The following GREB1 variants were observed in gnomAD, a reference collection of about 807,000 sequenced individuals.
The protein encoded by GREB1 is protein GREB1.
GREB1 carries 106 observed loss-of-function variants against 200.7 expected under a neutral mutation model. That is an observed-to-expected ratio of 0.53 (90% confidence interval 0.45 to 0.62). The LOEUF is 0.62. Ranked by LOEUF, GREB1 falls within the 20% of genes least tolerant of loss-of-function variation. The pLI, the probability that GREB1 is intolerant of heterozygous loss-of-function variation, is 0.00. For missense variants in GREB1, 2,243 were observed against 2,556.8 expected (o/e 0.88, Z 2.65); for synonymous variants, 1,132 against 1,092.4 (o/e 1.04, Z -0.72).
intron 1 of GREB1, among the ~76,000 whole-genome samples, chr2:11,521,406 G>A (rs992309656): frequency 7.2e-5 from 11 of 152,082 alleles, no homozygotes; most frequent in African/African-American, 2.7e-4. Flanking sequence ...CATTGTGCCC[G>A]GCCTAGTCTC....
At chr2:11,625,111 C>T in intron 23 of GREB1, 43 bp from the exon 24 acceptor site, 3 of 1,498,646 alleles carry the variant, frequency 2.0e-6, no homozygotes, top group South Asian at 1.1e-5. Context: ...AAATCATTTT[C>T]ACTTCCTATT....
intron 1 of GREB1, among the ~76,000 whole-genome samples, chr2:11,553,683 G>A (rs1391920805): frequency 1.3e-5 from 2 of 152,082 alleles, no homozygotes; most frequent in East Asian, 3.9e-4. Context: ...TGTGTGTGAA[G>A]TAGGGAGTGT....
At position 11,620,918 on chromosome 2, in the gene GREB1, G is replaced by T. The variant is rs757193601; in HGVS notation, c.4058G>T (p.Gly1353Val). 40 of 1,608,706 alleles carry T rather than the reference G, an allele frequency of 2.5e-5. No individual in the cohort carries two copies. The highest frequency in any genetic ancestry group is 3.1e-5 in the Non-Finnish European group (36 of 1,175,150). ...ATACCTTTACAGATCGGGAAGACAG[G>T]TGCCTACCTGCAGTTCCTCAGTGTC... ...LSGPPQIGKTGAYLQFLSVLS... is the reference protein window; with the variant it reads ...LSGPPQIGKTVAYLQFLSVLS... Residue 1353 changes from glycine to valine, a missense_variant, in exon 23 of 33, where the codon GGT (glycine) becomes GTT (valine). This residue lies in a region of GREB1 where 587 missense variants were observed against 553.1 expected (regional missense o/e 1.06). Transcript: ENST00000381486.
intron 18 of GREB1, 130 bp downstream of exon 18, chr2:11,611,157 C>T (rs1295745357): frequency 1.4e-6 from 1 of 709,432 alleles, no homozygotes; most frequent in Non-Finnish European, 2.4e-6. Context: ...CCAGCCACCC[C>T]TCAGCCTCCT....
intron 6 of GREB1, among the ~76,000 whole-genome samples, chr2:11,579,375 C>T (rs559945301): frequency 1.3e-5 from 2 of 152,368 alleles, no homozygotes; most frequent in East Asian, 3.9e-4. Context: ...AACCTCTGAA[C>T]CTCCATTTCC....
chr2:11,542,916 A>T (rs1224895777), intron 1 of GREB1: 1 of 152,398 alleles, frequency 6.6e-6, no homozygotes, highest in Non-Finnish European at 1.5e-5. Context: ...AAAGCCGCAG[A>T]TGTGTTTATT....
chr2:11,526,667 T>C (rs1470587279), intron 1 of GREB1, among the ~76,000 whole-genome samples: 1 of 151,966 alleles, frequency 6.6e-6, no homozygotes, highest in Non-Finnish European at 1.5e-5. Flanking sequence ...GTGATTCTCC[T>C]GCCTCAGCCT....
intron 12 of GREB1, among the ~76,000 whole-genome samples, chr2:11,595,832 C>T (rs1470873148): frequency 6.6e-6 from 1 of 152,124 alleles, no homozygotes; most frequent in Non-Finnish European, 1.5e-5. Flanking sequence ...CTTCTCAGAC[C>T]CTTCGTTTTC....
At chr2:11,610,010 C>G (rs750466606) in intron 17 of GREB1, among the ~76,000 whole-genome samples, 11 of 152,078 alleles carry the variant, frequency 7.2e-5, no homozygotes, top group Non-Finnish European at 1.3e-4. Context: ...CCATTGGTGC[C>G]CTGGGGTCTG....
chr2:11,482,924 A>G (rs1459552723), intron 1 of GREB1, among the ~76,000 whole-genome samples: 2 of 151,122 alleles, frequency 1.3e-5, no homozygotes, highest in Non-Finnish European at 3.0e-5. Flanking sequence ...GCGGGCGCTC[A>G]GGAGCGGGGC....
chr2:11,576,416 A>T lies in GREB1; in HGVS notation c.518A>T (p.Asn173Ile). ...KGFCYFTEFS[N>I]HINLKLTTQP... is the part of the protein sequence containing the mutation. ...TTCTGTTACTTCACGGAATTCTCCA[A>T]TCATATAAATCTGAAACTGACCACT... The change falls in exon 5 of 33, where the codon AAT becomes ATT. Residue 173 changes from asparagine (N) to isoleucine (I), a missense_variant. Asn to Ile is a moderately radical substitution (Grantham distance 149, BLOSUM62 -3). Transcript: ENST00000381486. The T allele has an allele frequency of 6.2e-7, 1 of 1,614,070 alleles. No homozygotes were observed. The highest frequency in any genetic ancestry group is 1.1e-5 in the South Asian group (1 of 91,078).
intron 1 of GREB1, among the ~76,000 whole-genome samples, chr2:11,545,766 G>A (rs1293619231): frequency 6.6e-6 from 1 of 152,200 alleles, no homozygotes; most frequent in Admixed American, 6.5e-5. Context: ...TTAGGACTGT[G>A]ATGAAGATGA....
At position 11,586,019 on chromosome 2, in the gene GREB1, C is replaced by G. The variant is rs1680047939; in HGVS notation, c.1159+114C>G. On this transcript the variant is annotated intron_variant, in intron 9 of 32. Coordinates refer to ENST00000381486, the MANE Select transcript of GREB1 (RefSeq NM_014668.4). ...TGACTCCAAGGGTATCCTCCTGAGA[C>G]AAACCTAAAATGCTTTCCAGGGCAA... 7 of 1,113,016 alleles carry G rather than the reference C, an allele frequency of 6.3e-6. No individual in the cohort carries two copies. The East Asian group carries it at 1.7e-4, about 27-fold the overall frequency. 68.9% of individuals were successfully genotyped at this position (1,113,016 alleles called of 1,614,324 possible).
intron 1 of GREB1, among the ~76,000 whole-genome samples, chr2:11,517,744 C>T (rs1359253433): frequency 2.6e-5 from 4 of 152,120 alleles, no homozygotes; most frequent in East Asian, 3.9e-4. Flanking sequence ...CTCCGCCTCC[C>T]GGGTTCATGC....
At chr2:11,581,937 G>A (rs1679527657) in intron 7 of GREB1, among the ~76,000 whole-genome samples, 2 of 152,216 alleles carry the variant, frequency 1.3e-5, no homozygotes, top group African/African-American at 2.4e-5. Flanking sequence ...CTCCCAACCA[G>A]CACCTCCATC....
chr2:11,490,762 T>C lies in GREB1; in HGVS notation c.-159+8381T>C, dbSNP rs1204976889. Among the ~76,000 whole-genome samples, 22 of 121,626 alleles carry C rather than the reference T, an allele frequency of 1.8e-4. 1 individual carries two copies. In the Admixed American group the frequency reaches 1.9e-3, roughly 10 times the overall value. 79.8% of individuals were successfully genotyped at this position (121,626 alleles called of 152,430 possible). A position where few individuals can be genotyped will look rare whatever the true frequency, so the allele number is the denominator to read the frequency against. The stretch of plus-strand genomic sequence containing the variant: ...CAGGGTTTTGCCATGTTGGCCAGGC[T>C]GGTCTTGAACTCCTGACCTCAGGTG... On this transcript the variant is annotated intron_variant, in intron 1 of 2. Transcript: ENST00000628795.
At chr2:11,554,787 A>G (rs760637966) in intron 1 of GREB1, among the ~76,000 whole-genome samples, 5 of 152,226 alleles carry the variant, frequency 3.3e-5, no homozygotes, top group Non-Finnish European at 5.9e-5. Context: ...CATATCTGTA[A>G]AACTCCAGCA....
chr2:11,505,247 A>C (rs1399818300), intron 1 of GREB1, among the ~76,000 whole-genome samples: 1 of 152,038 alleles, frequency 6.6e-6, no homozygotes, highest in African/African-American at 2.4e-5. Context: ...ATCACATTCT[A>C]CCGAGATGGG....
intron 17 of GREB1, among the ~76,000 whole-genome samples, chr2:11,606,802 G>A (rs1357039214): frequency 8.1e-6 from 1 of 123,106 alleles, no homozygotes; most frequent in Non-Finnish European, 1.7e-5. Flanking sequence ...ATTATTATTT[G>A]AGACGGAGTC....
Sources: allele counts gnomAD v4.1 joint callset (sites outside exome capture counted in the v4.1 genomes callset), GRCh38; gene constraint gnomAD v4.1.1; regional missense constraint gnomAD v4.1.1; transcripts MANE v1.5; gene names NCBI Gene and HGNC (gene_info 2026-07-23, HGNC 2026-07-21).